PKNOX2: variants seen among roughly 807,000 people sequenced by gnomAD.
The protein encoded by PKNOX2 is PBX/knotted 1 homeobox 2, also known as homeobox protein PKNOX2.
In PKNOX2, 14 loss-of-function variants were observed where a neutral mutation model predicts 53.1. That is an observed-to-expected ratio of 0.26 (90% CI 0.17 to 0.41). The LOEUF is 0.41. Among genes scored for constraint, PKNOX2 ranks in the 10% least tolerant of loss-of-function variants. The pLI is 1.00. For synonymous variants in PKNOX2, 257 were observed against 242.8 expected (o/e 1.06, Z -0.54); for missense variants, 496 against 602.8 (o/e 0.82, Z 1.85).
At chr11:125,257,634 G>T (rs1010306214) in intron 2 of PKNOX2, among the ~76,000 whole-genome samples, 1 of 152,198 alleles carries the variant, frequency 6.6e-6, no homozygotes, top group Non-Finnish European at 1.5e-5. Flanking sequence ...AGCAGCTGAC[G>T]ATCCTGCCCA....
At chr11:125,321,291 C>A (rs1949503805) in intron 2 of PKNOX2, among the ~76,000 whole-genome samples, 1 of 152,196 alleles carries the variant, frequency 6.6e-6, no homozygotes. Flanking sequence ...CTGCAATCAT[C>A]CCTCGGTATC....
At chr11:125,262,481 G>A (rs1944936976) in intron 2 of PKNOX2, among the ~76,000 whole-genome samples, 1 of 151,832 alleles carries the variant, frequency 6.6e-6, no homozygotes, top group African/African-American at 2.4e-5. Context: ...ACGGTGGGAG[G>A]CGGGCTGGTG....
chr11:125,351,427 G>A (rs760904073), intron 4 of PKNOX2, 35 bp downstream of exon 4: 7 of 1,369,234 alleles, frequency 5.1e-6, no homozygotes, highest in Middle Eastern at 3.6e-4. Flanking sequence ...CCCACCACGG[G>A]GGAGGGAGTG....
At chr11:125,353,516 C>G (rs773383469) in intron 4 of PKNOX2, among the ~76,000 whole-genome samples, 16 of 152,180 alleles carry the variant, frequency 1.1e-4, no homozygotes, top group Non-Finnish European at 1.8e-4. Context: ...GCTCAGCCCC[C>G]CAGAAGTCAC....
intron 1 of PKNOX2, among the ~76,000 whole-genome samples, chr11:125,178,654 G>GA (rs1955924564): frequency 9.2e-6 from 1 of 109,122 alleles, no homozygotes; most frequent in African/African-American, 6.1e-5. Context: ...AAGAAGGAAG[G>GA]AAGGAAGGAA....
chr11:125,431,460 G>C lies in PKNOX2; in HGVS notation c.*68G>C, dbSNP rs1456259801. On this transcript the variant is annotated 3_prime_UTR_variant, in exon 13 of 13. Transcript: ENST00000298282. ...TGTCGCCGGGAGGCCTTCAGGGTGG[G>C]GGGGAAGGGGACATGGGCAGGAAGC... 1 of 391,842 alleles carries C rather than the reference G, an allele frequency of 2.6e-6. No individual in the cohort carries two copies. The highest frequency in any genetic ancestry group is 4.9e-6 in the Non-Finnish European group (1 of 205,196). The allele number at this position is 391,842 out of a possible 1,614,324, so 24.3% of individuals were successfully genotyped here. A position where few individuals can be genotyped will look rare whatever the true frequency, so the allele number is the denominator to read the frequency against.
At chr11:125,196,628 G>C (rs1448048884) in intron 1 of PKNOX2, among the ~76,000 whole-genome samples, 3 of 152,174 alleles carry the variant, frequency 2.0e-5, no homozygotes, top group Admixed American at 2.0e-4. Flanking sequence ...CCAAACCTGG[G>C]TCAAACCCTG....
At chr11:125,268,041 C>A (rs1945495067) in intron 2 of PKNOX2, among the ~76,000 whole-genome samples, 1 of 152,162 alleles carries the variant, frequency 6.6e-6, no homozygotes, top group African/African-American at 2.4e-5. Flanking sequence ...GAAAACTTTG[C>A]CAACAACTCT....
intron 2 of PKNOX2, among the ~76,000 whole-genome samples, chr11:125,288,447 C>T (rs1032301308): frequency 2.6e-5 from 4 of 152,202 alleles, no homozygotes; most frequent in South Asian, 2.1e-4. Flanking sequence ...TGATTGAGGC[C>T]GTGGTGAGCC....
In PKNOX2 at chr11:125,368,668, T is replaced by G. The variant is rs542840396; in HGVS notation, c.227+683T>G. On this transcript the variant is annotated intron_variant, in intron 5 of 12. Transcript: ENST00000298282. Reference sequence around the variant, plus strand: ...TGAGGGCAGGCAGCTTGTTTCTTCTTGTTCTGCATCTGCCCCACGCATCCA... The same window carrying G: ...TGAGGGCAGGCAGCTTGTTTCTTCTGGTTCTGCATCTGCCCCACGCATCCA... Among the ~76,000 whole-genome samples, 48 of 152,324 alleles carry G rather than the reference T, an allele frequency of 3.2e-4. 2 individuals are homozygous for G. Among genetic ancestry groups the G allele is most frequent in the Admixed American group, 2.6e-3 (40 of 15,310 alleles).
Position 125,397,903 on chromosome 11 carries a change from C to A in PKNOX2, c.429C>A (p.Ile143=). 6.2e-7 allele frequency: 1 copy of A among 1,613,236 alleles called. No individual in the cohort carries two copies. Among genetic ancestry groups the A allele is most frequent in the Non-Finnish European group, 8.5e-7 (1 of 1,179,524 alleles). ...LMVKAIQVLR[I]HLLELEKVNE... ...TGAAGGCAATCCAGGTCCTGAGAATCCACCTGCTGGAGCTGGAGAAAGTCA... is the reference window on the plus strand; with the variant it reads ...TGAAGGCAATCCAGGTCCTGAGAATACACCTGCTGGAGCTGGAGAAAGTCA... Residue 143 remains isoleucine (I), a synonymous_variant, in exon 7 of 13, where the codon ATC becomes ATA. Transcript: ENST00000298282.
At chr11:125,258,948 C>A in intron 2 of PKNOX2, 1 of 295,842 alleles carries the variant, frequency 3.4e-6, no homozygotes, top group South Asian at 2.7e-5. Context: ...AACAGCAAAC[C>A]CTAGTTCATC....
rs1944904365 is a variant in PKNOX2 at position 125,262,184 on chromosome 11, GTA to G, written c.-130+27070_-130+27071del. Among the ~76,000 whole-genome samples, 4 of 152,344 alleles carry G rather than the reference GTA, an allele frequency of 2.6e-5. No homozygotes were observed. In the South Asian group the frequency reaches 6.2e-4, roughly 24 times the overall value. ...GCTCTAGATGAGGAAGGGCTGAAGA[GTA>G]GGGGCCAGACAGTGAGACAGTGGAG... is the stretch of plus-strand genomic sequence containing the variant. On this transcript the variant is annotated intron_variant, in intron 2 of 12. Transcript: ENST00000298282.
intron 1 of PKNOX2, among the ~76,000 whole-genome samples, chr11:125,203,931 C>T (rs1414799673): frequency 6.6e-6 from 1 of 152,218 alleles, no homozygotes; most frequent in Non-Finnish European, 1.5e-5. Context: ...CCAAACCATG[C>T]TTCACTTTCA....
intron 4 of PKNOX2, 66 bp downstream of exon 4, chr11:125,351,458 C>T: frequency 7.4e-6 from 8 of 1,074,450 alleles, no homozygotes; most frequent in Non-Finnish European, 1.1e-5. Context: ...AGAGCCCCAG[C>T]TGCAGGCTGG....
At chr11:125,302,655 G>T (rs531230979) in intron 2 of PKNOX2, among the ~76,000 whole-genome samples, 1 of 152,258 alleles carries the variant, frequency 6.6e-6, no homozygotes, top group Non-Finnish European at 1.5e-5. Context: ...CCACCCTGTT[G>T]CCAGGAGTCA....
At chr11:125,225,863 G>T (rs906575530) in intron 1 of PKNOX2, among the ~76,000 whole-genome samples, 1 of 152,224 alleles carries the variant, frequency 6.6e-6, no homozygotes, top group African/African-American at 2.4e-5. Context: ...TGGGTAGGCT[G>T]TATTTCTTTT....
chr11:125,242,585 G>A (rs1265170918), intron 2 of PKNOX2, among the ~76,000 whole-genome samples: 2 of 152,122 alleles, frequency 1.3e-5, no homozygotes, highest in Non-Finnish European at 2.9e-5. Context: ...CAGGGGTGGA[G>A]GAGTCTGCAT....
At chr11:125,313,319 G>GTTGCTGTGGGTT (rs1948948384) in intron 2 of PKNOX2, among the ~76,000 whole-genome samples, 1 of 152,184 alleles carries the variant, frequency 6.6e-6, no homozygotes, top group South Asian at 2.1e-4. Context: ...GTTTGGGGAG[G>GTTGCTGTGGGTT]TTGCTGTGGG....
Sources: allele counts gnomAD v4.1 joint callset (sites outside exome capture counted in the v4.1 genomes callset), GRCh38; gene constraint gnomAD v4.1.1; transcripts MANE v1.5; gene names NCBI Gene and HGNC (gene_info 2026-07-23, HGNC 2026-07-21).